The following MYO19 variants were observed in gnomAD, a reference collection of about 807,000 sequenced individuals.
MYO19 encodes the protein myosin XIX.
Under a neutral mutation model 129.2 loss-of-function variants are expected in MYO19, and 132 were observed. The observed-to-expected ratio is 1.02, with a 90% confidence interval of 0.89 to 1.18. The LOEUF (loss-of-function observed/expected upper bound fraction) is 1.18, where lower values mean the gene tolerates loss of function less well. MYO19 is among the 50% of genes most tolerant of loss of function. MYO19 has a pLI of 0.00. For synonymous variants in MYO19, 531 were observed against 477.2 expected (o/e 1.11, Z -1.47); for missense variants, 1,210 against 1,216.7 (o/e 0.99, Z 0.08).
intron 2 of MYO19, among the ~76,000 whole-genome samples, chr17:36,540,591 G>A (rs1250315890): frequency 1.3e-5 from 2 of 151,720 alleles, no homozygotes; most frequent in Admixed American, 6.6e-5. Context: ...GGCCAGTCTC[G>A]AACTCCTGTC....
At chr17:36,528,454 T>C (rs2073625385) in intron 3 of MYO19, among the ~76,000 whole-genome samples, 1 of 150,366 alleles carries the variant, frequency 6.7e-6, no homozygotes, top group Admixed American at 6.6e-5. Flanking sequence ...GAGCTTGCAG[T>C]GAGCCAACAT....
intron 14 of MYO19, chr17:36,508,451 TC>T: frequency 6.4e-6 from 1 of 155,482 alleles, no homozygotes; most frequent in Non-Finnish European, 1.4e-5. Context: ...TTTTTTGTTC[TC>T]CCCCCTGAGA....
chr17:36,525,153 G>T, intron 6 of MYO19, 75 bp downstream of exon 6: 1 of 1,097,594 alleles, frequency 9.1e-7, no homozygotes, highest in Non-Finnish European at 1.4e-6. Context: ...CACAAGGAAG[G>T]CCAAGGAATG....
chr17:36,532,988 T>C (rs531264985), intron 2 of MYO19, among the ~76,000 whole-genome samples: 82 of 152,282 alleles, frequency 5.4e-4, no homozygotes, highest in Admixed American at 2.7e-3. Flanking sequence ...CCTTGTGCCC[T>C]ATCCTCTACA....
At chr17:36,513,976 G>A (rs890647582) in intron 9 of MYO19, among the ~76,000 whole-genome samples, 1 of 152,192 alleles carries the variant, frequency 6.6e-6, no homozygotes, top group Non-Finnish European at 1.5e-5. Context: ...GACAACTCCT[G>A]CCCAGGGAGT....
intron 5 of MYO19, among the ~76,000 whole-genome samples, chr17:36,527,224 TAAAC>T (rs1346008075): frequency 6.6e-6 from 1 of 152,000 alleles, no homozygotes; most frequent in African/African-American, 2.4e-5. Context: ...GTTTGTTAAA[TAAAC>T]AAATATATAA....
At chr17:36,519,672 C>A (rs920668652) in intron 6 of MYO19, among the ~76,000 whole-genome samples, 2 of 151,028 alleles carry the variant, frequency 1.3e-5, no homozygotes, top group African/African-American at 4.9e-5. Context: ...ATCTGTGATG[C>A]TGAAACTTAC....
chr17:36,506,415 G>A, intron 18 of MYO19, 41 bp downstream of exon 18: 1 of 1,604,274 alleles, frequency 6.2e-7, no homozygotes, highest in Non-Finnish European at 8.5e-7. Context: ...TGAGACCGTG[G>A]AGTTTGAACC....
At chr17:36,513,917 G>C (rs1220537701) in intron 9 of MYO19, among the ~76,000 whole-genome samples, 192 bp from the exon 10 acceptor site, 1 of 152,230 alleles carries the variant, frequency 6.6e-6, no homozygotes, top group Non-Finnish European at 1.5e-5. Flanking sequence ...TCTCCAACCT[G>C]ATGCAAAAGA....
At position 36,495,706 on chromosome 17, in the gene MYO19, T is replaced by G; in HGVS notation, c.*545A>C. 1 of 1,256,584 alleles carries G rather than the reference T, an allele frequency of 8.0e-7. No individual in the cohort carries two copies. Among genetic ancestry groups the G allele is most frequent in the Non-Finnish European group, 1.0e-6 (1 of 1,002,646 alleles). 77.8% of individuals were successfully genotyped at this position (1,256,584 alleles called of 1,614,324 possible). On this transcript the variant is annotated 3_prime_UTR_variant, in exon 26 of 26. Coordinates refer to ENST00000614623, the MANE Select transcript of MYO19 (RefSeq NM_001163735.2). ...AACGATATCAAGCTTACACTTCATATGGAGTTAAACTTGGTCAGTGTTAAT... is the reference window on the plus strand; with the variant it reads ...AACGATATCAAGCTTACACTTCATAGGGAGTTAAACTTGGTCAGTGTTAAT...
chr17:36,519,494 C>T (rs1409507698), intron 6 of MYO19, among the ~76,000 whole-genome samples: 2 of 152,056 alleles, frequency 1.3e-5, no homozygotes, highest in Non-Finnish European at 2.9e-5. Flanking sequence ...TTAAATCTAC[C>T]ATCTTATTTT....
chr17:36,515,104 AG>A lies in MYO19; in HGVS notation c.617+8del, dbSNP rs1171564320. The A allele has an allele frequency of 6.2e-7, 1 of 1,602,160 alleles. No individual in the cohort carries two copies. Among genetic ancestry groups the A allele is most frequent in the African/African-American group, 1.3e-5 (1 of 74,952 alleles). ...TCCTCCCACTAGCCAGGGCAACAGC[AG>A]CTATTACCTGTTCAGCTGGAGCTGG... On this transcript the variant is annotated splice_region_variant and intron_variant, in intron 8 of 25. Coordinates refer to ENST00000614623, the MANE Select transcript of MYO19 (RefSeq NM_001163735.2).
chr17:36,498,503 G>C lies in MYO19; in HGVS notation c.2520C>G (p.Phe840Leu). ...KELDGVEEKH[F>L]SQAPCSLSTS... ...TGCTCAGGGAACAGGGAGCTTGAGA[G>C]AAGTGTTTTTCTTCCACACCATCCA... Residue 840 changes from phenylalanine to leucine, a missense_variant, in exon 25 of 26, where the codon TTC becomes TTG. Phe to Leu is a conservative substitution (Grantham distance 22). Coordinates refer to ENST00000614623, the MANE Select transcript of MYO19 (RefSeq NM_001163735.2). The C allele has an allele frequency of 6.2e-7, 1 of 1,614,058 alleles. No homozygotes were observed. The highest frequency in any genetic ancestry group is 1.3e-5 in the African/African-American group (1 of 75,064).
At chr17:36,511,521 C>CCA in intron 11 of MYO19, 66 bp from the exon 12 acceptor site, 3 of 1,417,842 alleles carry the variant, frequency 2.1e-6, no homozygotes, top group Non-Finnish European at 2.9e-6. Flanking sequence ...CTGGGAAGGG[C>CCA]CGTTCTGCTG....
intron 11 of MYO19, chr17:36,512,539 G>C: frequency 9.0e-7 from 1 of 1,105,144 alleles, no homozygotes. Flanking sequence ...ATGCCCACCA[G>C]GCAGAAGGGC....
At chr17:36,499,506 T>A (rs2071310776) in intron 23 of MYO19, among the ~76,000 whole-genome samples, 1 of 76,540 alleles carries the variant, frequency 1.3e-5, no homozygotes, top group South Asian at 4.2e-4. Flanking sequence ...TTTAAAAACT[T>A]TTTTTTTTGT....
In MYO19 at chr17:36,509,115, G is replaced by A. The variant is rs775248237; in HGVS notation, c.1178C>T (p.Ser393Leu). 2 of 1,613,808 alleles carry A rather than the reference G, an allele frequency of 1.2e-6. No individual in the cohort carries two copies. Among genetic ancestry groups the A allele is most frequent in the Non-Finnish European group, 1.7e-6 (2 of 1,179,824 alleles). Residue 393 changes from serine to leucine, a missense_variant, in exon 14 of 26, where the codon TCA becomes TTA. Coordinates refer to ENST00000614623, the MANE Select transcript of MYO19 (RefSeq NM_001163735.2). ...IYARLFDWLV[S>L]VINSSICADT... ...TGCACAGATGCTGCTGTTGATCACT[G>A]ATACCAGCCAGTCAAACAACCTGTT...
intron 8 of MYO19, 101 bp from the exon 9 acceptor site, chr17:36,514,649 C>A: frequency 1.3e-6 from 1 of 759,724 alleles, no homozygotes; most frequent in East Asian, 2.5e-5. Context: ...GGCAACTCCC[C>A]GCCAAGCTCT....
chr17:36,499,165 G>A lies in MYO19; in HGVS notation c.2378-5C>T. On this transcript the variant is annotated splice_region_variant and splice_polypyrimidine_tract_variant and intron_variant, in intron 23 of 25. Coordinates refer to ENST00000614623, the MANE Select transcript of MYO19 (RefSeq NM_001163735.2). The stretch of plus-strand genomic sequence containing the variant: ...GAGTTAACCAGGAACGAATGGCTAA[G>A]AGGTTTGCCCAGAAACAGGAAAGAG... The A allele has an allele frequency of 6.3e-7, 1 of 1,598,328 alleles. No homozygotes were observed. The highest frequency in any genetic ancestry group is 1.3e-5 in the African/African-American group (1 of 74,854).
Sources: allele counts gnomAD v4.1 joint callset (sites outside exome capture counted in the v4.1 genomes callset), GRCh38; gene constraint gnomAD v4.1.1; transcripts MANE v1.5; gene names NCBI Gene and HGNC (gene_info 2026-07-23, HGNC 2026-07-21).